SPTLC3: variants seen among roughly 807,000 people sequenced by gnomAD.
SPTLC3 encodes the protein serine palmitoyltransferase long chain base subunit 3, also known as serine palmitoyltransferase 3.
In SPTLC3, 36 loss-of-function variants were observed where a neutral mutation model predicts 59.3. That is an observed-to-expected ratio of 0.61 (90% CI 0.47 to 0.80). SPTLC3 has a LOEUF of 0.80. Ranked by LOEUF, SPTLC3 falls within the 30% of genes least tolerant of loss-of-function variation. SPTLC3 has a pLI of 0.00. For missense variants in SPTLC3, 625 were observed against 685.1 expected, an observed-to-expected ratio of 0.91 and a Z score of 0.98; for synonymous variants, 257 against 240.8, an observed-to-expected ratio of 1.07 and a Z score of -0.62.
chr20:13,124,086 C>T (rs529947112), intron 8 of SPTLC3, among the ~76,000 whole-genome samples: 1 of 152,338 alleles, frequency 6.6e-6, no homozygotes, highest in South Asian at 2.1e-4. Context: ...AGGCCAGCAT[C>T]ATGCACATAC....
chr20:13,072,037 T>C (rs1988458069), intron 2 of SPTLC3, among the ~76,000 whole-genome samples: 1 of 152,164 alleles, frequency 6.6e-6, no homozygotes, highest in East Asian at 1.9e-4. Flanking sequence ...TGCACTGACA[T>C]CTTTGTTACC....
intron 1 of SPTLC3, among the ~76,000 whole-genome samples, chr20:13,022,183 A>T (rs182005958): frequency 3.9e-5 from 6 of 152,250 alleles, no homozygotes; most frequent in Admixed American, 3.9e-4. Flanking sequence ...GCCATTCGTG[A>T]CTTTTCTCCT....
At chr20:13,124,644 C>T (rs1367065761) in intron 8 of SPTLC3, among the ~76,000 whole-genome samples, 2 of 152,142 alleles carry the variant, frequency 1.3e-5, no homozygotes, top group Non-Finnish European at 2.9e-5. Flanking sequence ...CTTGGTTCCC[C>T]TCATGGACCA....
chr20:13,164,489 T>C (rs2038958394), intron 11 of SPTLC3: 2 of 538,420 alleles, frequency 3.7e-6, no homozygotes, highest in Admixed American at 5.4e-5. Context: ...TCACATGTTT[T>C]TATTCTTCTC....
At chr20:13,093,691 C>A in intron 6 of SPTLC3, 114 bp downstream of exon 6, 1 of 885,492 alleles carries the variant, frequency 1.1e-6, no homozygotes. Context: ...TCATGAAACA[C>A]AATTATGTTT....
intron 4 of SPTLC3, among the ~76,000 whole-genome samples, chr20:13,079,162 G>A (rs964179551): frequency 3.3e-5 from 5 of 152,034 alleles, no homozygotes; most frequent in African/African-American, 1.2e-4. Context: ...ATCCTTGAAG[G>A]GGAAAATTCA....
intron 1 of SPTLC3, among the ~76,000 whole-genome samples, chr20:13,022,131 G>A (rs1328797089): frequency 1.3e-5 from 2 of 152,076 alleles, no homozygotes; most frequent in African/African-American, 4.8e-5. Context: ...CTCAATAAAT[G>A]GCAACTCTAT....
At chr20:13,039,454 T>C (rs1308093419) in intron 1 of SPTLC3, among the ~76,000 whole-genome samples, 1 of 152,118 alleles carries the variant, frequency 6.6e-6, no homozygotes, top group South Asian at 2.1e-4. Flanking sequence ...GGTGCTGTTT[T>C]CATGATATAT....
At chr20:13,090,520 A>G (rs6078915) in intron 4 of SPTLC3, among the ~76,000 whole-genome samples, 76 of 152,236 alleles carry the variant, frequency 5.0e-4, no homozygotes, top group Admixed American at 2.9e-3. Flanking sequence ...AGAGAGAAGA[A>G]TTGTGGGGTT....
At chr20:13,077,636 T>C (rs1426330843) in intron 4 of SPTLC3, among the ~76,000 whole-genome samples, 1 of 152,116 alleles carries the variant, frequency 6.6e-6, no homozygotes, top group Non-Finnish European at 1.5e-5. Flanking sequence ...TAAGTCTTAC[T>C]TTACTAAGCA....
At chr20:13,108,308 CT>C (rs1298218324) in intron 6 of SPTLC3, among the ~76,000 whole-genome samples, 1 of 152,206 alleles carries the variant, frequency 6.6e-6, no homozygotes, top group African/African-American at 2.4e-5. Context: ...AAAGAACTAT[CT>C]TGTGGCCTCA....
chr20:13,133,768 T>C (rs1188652821), intron 9 of SPTLC3, among the ~76,000 whole-genome samples: 1 of 152,046 alleles, frequency 6.6e-6, no homozygotes, highest in African/African-American at 2.4e-5. Context: ...TAGGGGAACT[T>C]ACGTACAGGG....
At chr20:13,095,624 C>G (rs1198320766) in intron 6 of SPTLC3, among the ~76,000 whole-genome samples, 1 of 152,184 alleles carries the variant, frequency 6.6e-6, no homozygotes, top group Non-Finnish European at 1.5e-5. Context: ...AGATGACCAT[C>G]ACTGGGTTGG....
intron 2 of SPTLC3, among the ~76,000 whole-genome samples, chr20:13,059,473 G>T (rs1054187580): frequency 1.2e-4 from 19 of 152,156 alleles, no homozygotes; most frequent in Non-Finnish European, 1.5e-4. Context: ...CTGCATTCAG[G>T]TGCAGGCAGC....
intron 4 of SPTLC3, among the ~76,000 whole-genome samples, chr20:13,078,365 T>G (rs1200120255): frequency 6.6e-6 from 1 of 151,262 alleles, no homozygotes; most frequent in African/African-American, 2.4e-5. Context: ...AGCTAAGAAG[T>G]AAACTGATTA....
At chr20:13,100,906 C>T (rs1015459102) in intron 6 of SPTLC3, among the ~76,000 whole-genome samples, 1 of 152,182 alleles carries the variant, frequency 6.6e-6, no homozygotes, top group Non-Finnish European at 1.5e-5. Flanking sequence ...CCCCCAGCAG[C>T]AGACCTTGAG....
intron 8 of SPTLC3, among the ~76,000 whole-genome samples, chr20:13,124,019 C>T (rs868530772): frequency 2.6e-5 from 4 of 152,196 alleles, no homozygotes; most frequent in African/African-American, 9.7e-5. Context: ...CTCTTTGAGG[C>T]ACCTCAGATA....
chr20:13,010,165 C>T (rs1985163584), intron 1 of SPTLC3, among the ~76,000 whole-genome samples: 1 of 151,952 alleles, frequency 6.6e-6, no homozygotes, highest in African/African-American at 2.4e-5. Context: ...TTATGTAAGG[C>T]AGTTCCCCAC....
intron 2 of SPTLC3, chr20:13,050,162 A>G (rs1156337753): frequency 6.6e-6 from 1 of 152,228 alleles, no homozygotes; most frequent in Non-Finnish European, 1.5e-5. Flanking sequence ...GGCAAAGCCC[A>G]ATGCAAGAAA....
Sources: gnomAD v4.1 joint callset for allele counts (sites outside exome capture counted in the v4.1 genomes callset) on GRCh38, gnomAD v4.1.1 for gene constraint, MANE v1.5 for transcripts, NCBI Gene and HGNC (gene_info 2026-07-23, HGNC 2026-07-21) for gene names.